HDAC10: variants seen among roughly 807,000 people sequenced by gnomAD.
HDAC10 encodes the protein polyamine deacetylase HDAC10.
In HDAC10, 90 loss-of-function variants were observed where a neutral mutation model predicts 82.3. That is an observed-to-expected ratio of 1.09 (90% CI 0.92 to 1.30). HDAC10 has a LOEUF of 1.30. Ranked by LOEUF, HDAC10 falls within the 50% of genes most tolerant of loss-of-function variation. The pLI is 0.00. For missense variants in HDAC10, 934 were observed against 876.3 expected, an observed-to-expected ratio of 1.07 and a Z score of -0.83; for synonymous variants, 456 against 391.7, an observed-to-expected ratio of 1.16 and a Z score of -1.94.
At position 50,247,968 on chromosome 22, in the gene HDAC10, T is replaced by C. The variant is rs891354162; in HGVS notation, c.1259A>G (p.Asp420Gly). 1.9e-6 allele frequency: 3 copies of C among 1,612,814 alleles called. No individual in the cohort carries two copies. Among genetic ancestry groups the C allele is most frequent in the Non-Finnish European group, 2.5e-6 (3 of 1,179,982 alleles). Residue 420 changes from aspartate to glycine, a missense_variant, in exon 13 of 20, where the codon GAT becomes GGT. By Grantham distance (94) the Asp-to-Gly change is moderately conservative. Coordinates refer to ENST00000216271, the MANE Select transcript of HDAC10 (RefSeq NM_032019.6). ...VRTAVALTTP[D>G]ITLVLPPDVI... ...GTCAGGGGGCAGAACCAATGTGATA[T>C]CCGGCGTTGTCAGGGCAACAGCGGT...
chr22:50,250,310 G>A, intron 3 of HDAC10, 117 bp downstream of exon 3: 5 of 1,230,264 alleles, frequency 4.1e-6, no homozygotes, highest in Non-Finnish European at 5.9e-6. Flanking sequence ...AGGTGTGCAG[G>A]GCAATGTCAT....
At chr22:50,246,273 C>G (rs191185971) in intron 17 of HDAC10, 25 bp downstream of exon 17, 1 of 1,607,024 alleles carries the variant, frequency 6.2e-7, no homozygotes, top group Non-Finnish European at 8.5e-7. Context: ...CAGCACCTGC[C>G]TTGCCGCGTG....
At position 50,246,754 on chromosome 22, in the gene HDAC10, TC is replaced by T; in HGVS notation, c.1515-20del. 6.2e-7 allele frequency: 1 copy of T among 1,612,906 alleles called. No individual in the cohort carries two copies. The highest frequency in any genetic ancestry group is 8.5e-7 in the Non-Finnish European group (1 of 1,179,824). On this transcript the variant is annotated intron_variant, in intron 15 of 19. Transcript: ENST00000216271. ...CAGCAGCCTGGAAGAAGAGCTGGCC[TC>T]AGGACAGGTGTTCATGTTGTCCAGA...
Position 50,245,910 on chromosome 22 carries a change from C to T in HDAC10, c.1833G>A (p.Glu611=). 1 of 1,573,102 alleles carries T rather than the reference C, an allele frequency of 6.4e-7. No homozygotes were observed. ...AGGRVLALLE[E]NSTPQLAGIL... ...AGCACCTCCACCCTGCCCAGCTTAC[C>T]TCCTCCAGGAGGGCCAGGACTCGGC... The change falls in exon 18 of 20, where the codon GAG becomes GAA. Residue 611 remains glutamate (E), a splice_region_variant and synonymous_variant. Transcript: ENST00000216271.
Position 50,249,426 on chromosome 22 carries a change from C to G in HDAC10, c.592G>C (p.Glu198Gln). 6.2e-7 allele frequency: 1 copy of G among 1,612,712 alleles called. No individual in the cohort carries two copies. Among genetic ancestry groups the G allele is most frequent in the South Asian group, 1.1e-5 (1 of 91,082 alleles). ...SVLYFSWHRY[E>Q]HGRFWPFLRE... ...AGGAAAGGCCAGAAGCGCCCATGCT[C>G]ATAGCGGTGCCAGGAGAAGTAAAGG... Residue 198 changes from glutamate to glutamine, a missense_variant, in exon 7 of 20, where the codon GAG becomes CAG. Physicochemically the swap from Glu to Gln is conservative, Grantham distance 29 (BLOSUM62 2). Coordinates refer to ENST00000216271, the MANE Select transcript of HDAC10 (RefSeq NM_032019.6). The surrounding 1 kb of genome is among the most constrained non-coding windows in gnomAD (Gnocchi z 4.4).
chr22:50,245,867 T>C (rs13058062), intron 18 of HDAC10, 40 bp from the exon 19 acceptor site: 1,162,036 of 1,551,768 alleles, frequency 0.75, 438,455 homozygotes, highest in African/African-American at 0.95. Flanking sequence ...ACTGGTCCTT[T>C]CCCTCGTCCC....
chr22:50,250,382 C>G, intron 3 of HDAC10, 45 bp downstream of exon 3: 1 of 1,563,538 alleles, frequency 6.4e-7, no homozygotes, highest in Non-Finnish European at 8.8e-7. Flanking sequence ...CTCAAAGGCA[C>G]GTGCATGTGT....
Position 50,248,837 on chromosome 22 carries a change from G to A in HDAC10, c.810C>T (p.Asp270=), listed in dbSNP as rs770198001. ...VSAGFDSAIG[D]PEGQMQATPE... ...GGCAAGGCAAGGCCCTCACCTCAGG[G>A]TCCCCGATGGCTGAGTCAAATCCTG... is the stretch of plus-strand genomic sequence containing the variant. The change falls in exon 9 of 20, where the codon GAC becomes GAT. Residue 270 remains aspartate (D), a synonymous_variant. Coordinates refer to ENST00000216271, the MANE Select transcript of HDAC10 (RefSeq NM_032019.6). This position sits in a 1 kb window ranked among gnomAD's most constrained non-coding sequence, Gnocchi z 5.4. 4 of 1,610,838 alleles carry A rather than the reference G, an allele frequency of 2.5e-6. No individual in the cohort carries two copies. The highest frequency in any genetic ancestry group is 3.4e-6 in the Non-Finnish European group (4 of 1,179,186).
At position 50,245,216 on chromosome 22, in the gene HDAC10, G is replaced by A; in HGVS notation, c.*291C>T. 1.8e-6 allele frequency: 1 copy of A among 565,256 alleles called. No individual in the cohort carries two copies. The highest frequency in any genetic ancestry group is 3.1e-6 in the Non-Finnish European group (1 of 319,188). The allele number at this position is 565,256 out of a possible 1,614,324, so 35.0% of individuals were successfully genotyped here. A position where few individuals can be genotyped will look rare whatever the true frequency, so the allele number is the denominator to read the frequency against. On this transcript the variant is annotated 3_prime_UTR_variant, in exon 20 of 20. Transcript: ENST00000216271. ...GAGCGATGTTTACTAACGGCGCAAG[G>A]GCGGGGAGCGAAGCGCAGCGGGGCG...
intron 17 of HDAC10, 82 bp downstream of exon 17, chr22:50,246,216 T>C (rs913728243): frequency 9.3e-6 from 14 of 1,512,298 alleles, no homozygotes; most frequent in Non-Finnish European, 1.3e-5. Context: ...AGGCCTGCTA[T>C]CATGACAATG....
chr22:50,247,613 A>T, intron 14 of HDAC10, 79 bp downstream of exon 14: 2 of 1,024,764 alleles, frequency 2.0e-6, no homozygotes, highest in Non-Finnish European at 2.9e-6. Context: ...CCTCCTCTGG[A>T]CAGGCCACAT....
rs201305595 is a variant in HDAC10, at chr22:50,249,144, C to T, written c.715G>A (p.Val239Met). ...AGCAGCAGGTGCAGGAAGGCAGCCA[C>T]GTAGTCAGCGTTTCCCATCCCAACC... is the stretch of plus-strand genomic sequence containing the variant. The part of the protein sequence containing the change: ...NQVGMGNADY[V>M]AAFLHLLLPL... Residue 239 changes from valine (V) to methionine (M), a missense_variant, in exon 8 of 20, where the codon GTG becomes ATG. By Grantham distance (21) the Val-to-Met change is conservative. Coordinates refer to ENST00000216271, the MANE Select transcript of HDAC10 (RefSeq NM_032019.6). This position sits in a 1 kb window ranked among gnomAD's most constrained non-coding sequence, Gnocchi z 4.4. 38 of 1,597,604 alleles carry T rather than the reference C, an allele frequency of 2.4e-5. No homozygotes were observed. Among genetic ancestry groups the T allele is most frequent in the Non-Finnish European group, 2.8e-5 (33 of 1,172,456 alleles).
Position 50,248,551 on chromosome 22 carries a change from C to A in HDAC10, c.907-79G>T. The A allele has an allele frequency of 3.3e-6, 5 of 1,498,388 alleles. No homozygotes were observed. Among genetic ancestry groups the A allele is most frequent in the Non-Finnish European group, 4.5e-6 (5 of 1,112,910 alleles). The allele number at this position is 1,498,388 out of a possible 1,614,324, so 92.8% of individuals were successfully genotyped here. ...TCACCGGGAGAGCCCCTGCCTGGCTCTATCCCGGGCAGGACGCCCCTCCCA... is the reference window on the plus strand; with the variant it reads ...TCACCGGGAGAGCCCCTGCCTGGCTATATCCCGGGCAGGACGCCCCTCCCA... On this transcript the variant is annotated intron_variant, in intron 10 of 19. Transcript: ENST00000216271. The surrounding 1 kb of genome is among the most constrained non-coding windows in gnomAD (Gnocchi z 5.4).
rs573989627 is a variant in HDAC10 at position 50,249,415 on chromosome 22, G to A, written c.603C>T (p.Arg201=). 5 of 1,612,726 alleles carry A rather than the reference G, an allele frequency of 3.1e-6. No individual in the cohort carries two copies. The highest frequency in any genetic ancestry group is 1.1e-5 in the South Asian group (1 of 91,092). ...YFSWHRYEHG[R]FWPFLRESDA... ...CTGACTCTCGCAGGAAAGGCCAGAA[G>A]CGCCCATGCTCATAGCGGTGCCAGG... Residue 201 remains arginine, a synonymous_variant, in exon 7 of 20, where the codon CGC becomes CGT. Coordinates refer to ENST00000216271, the MANE Select transcript of HDAC10 (RefSeq NM_032019.6). The surrounding 1 kb of genome is among the most constrained non-coding windows in gnomAD (Gnocchi z 4.4).
rs762654201 is a variant in HDAC10 at position 50,245,980 on chromosome 22, G to A, written c.1763C>T (p.Pro588Leu). 89 of 1,609,554 alleles carry A rather than the reference G, an allele frequency of 5.5e-5. No individual in the cohort carries two copies. The highest frequency in any genetic ancestry group is 1.0e-4 in the Admixed American group (6 of 59,556). The change falls in exon 18 of 20, where the codon CCC becomes CTC. Residue 588 changes from proline to leucine, a missense_variant. Pro to Leu is a moderately conservative substitution (Grantham distance 98). Coordinates refer to ENST00000216271, the MANE Select transcript of HDAC10 (RefSeq NM_032019.6). ...ALGPGHGLQG[P>L]HAALLAAMLR... ...CATTGCAGCCAGGAGTGCAGCGTGG[G>A]GGCCCTGCAGGCCATGGCCAGGCCC...
intron 17 of HDAC10, 68 bp downstream of exon 17, chr22:50,246,230 G>T (rs2064941656): frequency 6.6e-7 from 1 of 1,525,664 alleles, no homozygotes; most frequent in East Asian, 2.3e-5. Context: ...GACAATGCCA[G>T]CAAACAGCAG....
Position 50,247,942 on chromosome 22 carries a change from C to T in HDAC10, c.1285G>A (p.Val429Ile), listed in dbSNP as rs34402301. 0.055 allele frequency: 89,181 copies of T among 1,612,784 alleles called. 2,702 individuals are homozygous for T. The highest frequency in any genetic ancestry group is 0.064 in the Non-Finnish European group (75,878 of 1,179,962). The change falls in exon 13 of 20, where the codon GTC becomes ATC. Residue 429 changes from valine to isoleucine, a missense_variant. Physicochemically the swap from Val to Ile is conservative, Grantham distance 29. Transcript: ENST00000216271. ...AGGGCTGACGCTTCCTGTTGGATGA[C>T]GTCAGGGGGCAGAACCAATGTGATA... ...PDITLVLPPD[V>I]IQQEASALRE... is the part of the protein sequence containing the mutation.
intron 15 of HDAC10, 50 bp downstream of exon 15, chr22:50,246,825 T>C: frequency 6.3e-7 from 1 of 1,593,606 alleles, no homozygotes; most frequent in Non-Finnish European, 8.6e-7. Context: ...AGGATAGGGG[T>C]GCCCACAGGT....
chr22:50,246,641 A>G lies in HDAC10; in HGVS notation c.1571+38T>C, dbSNP rs780571824. 2.2e-5 allele frequency: 35 copies of G among 1,586,498 alleles called. 1 individual carries two copies. The highest frequency in any genetic ancestry group is 6.6e-5 in the South Asian group (6 of 90,494). ...ACACGTCCATCACATGCCCGTCCAC[A>G]TGCATGGCTGGACATATGCAAGACC... On this transcript the variant is annotated intron_variant, in intron 16 of 19. Transcript: ENST00000216271.
Sources: allele counts gnomAD v4.1 joint callset, GRCh38; gene constraint gnomAD v4.1.1; non-coding constraint Gnocchi (gnomAD v3.1); transcripts MANE v1.5; gene names NCBI Gene and HGNC (gene_info 2026-07-23, HGNC 2026-07-21).